HECW1: variants seen among roughly 807,000 people sequenced by gnomAD.
The protein encoded by HECW1 is HECT, C2 and WW domain containing E3 ubiquitin protein ligase 1.
Under a neutral mutation model 182.3 loss-of-function variants are expected in HECW1, and 61 were observed. That is an observed-to-expected ratio of 0.33 (90% CI 0.27 to 0.41). HECW1 has a LOEUF of 0.41. Among genes scored for constraint, HECW1 ranks in the 10% least tolerant of loss-of-function variants. The pLI is 1.00. For synonymous variants in HECW1, 859 were observed against 832.6 expected (o/e 1.03, Z -0.55); for missense variants, 1,739 against 2,108.9 (o/e 0.82, Z 3.44).
At chr7:43,167,791 C>A (rs921100477) in intron 2 of HECW1, among the ~76,000 whole-genome samples, 1 of 152,172 alleles carries the variant, frequency 6.6e-6, no homozygotes, top group Non-Finnish European at 1.5e-5. Flanking sequence ...TTACTAGGAT[C>A]ACCTCATTTA....
At chr7:43,231,680 G>A (rs915807570) in intron 2 of HECW1, among the ~76,000 whole-genome samples, 2 of 152,084 alleles carry the variant, frequency 1.3e-5, no homozygotes, top group Non-Finnish European at 2.9e-5. Context: ...ACCAAGTCCC[G>A]GTGGCAGCAT....
At chr7:43,359,767 T>G (rs1362641562) in intron 5 of HECW1, among the ~76,000 whole-genome samples, 2 of 152,228 alleles carry the variant, frequency 1.3e-5, no homozygotes, top group African/African-American at 4.8e-5. Flanking sequence ...AAGGCAAATT[T>G]CCATATTTGA....
chr7:43,511,352 C>T (rs550302234), intron 24 of HECW1: 1 of 152,378 alleles, frequency 6.6e-6, no homozygotes, highest in Non-Finnish European at 1.5e-5. Context: ...TTCAACGCCA[C>T]TCTTTGGATG....
intron 2 of HECW1, among the ~76,000 whole-genome samples, chr7:43,217,146 C>T (rs376920821): frequency 1.7e-4 from 26 of 150,036 alleles, no homozygotes; most frequent in African/African-American, 5.8e-4. Flanking sequence ...CAACTTATTA[C>T]CGAGTACATG....
chr7:43,311,579 C>G (rs554590377), intron 3 of HECW1, 184 bp from the exon 4 acceptor site: 1 of 764,048 alleles, frequency 1.3e-6, no homozygotes, highest in East Asian at 2.4e-5. Flanking sequence ...TTGCTGTCCC[C>G]GTGTGAACCC....
chr7:43,401,878 T>C (rs980379024), intron 7 of HECW1, among the ~76,000 whole-genome samples: 4 of 151,582 alleles, frequency 2.6e-5, no homozygotes, highest in African/African-American at 9.7e-5. Flanking sequence ...CTTGTACCCA[T>C]ATAAGCCCCA....
chr7:43,236,934 G>A (rs2152713704), intron 2 of HECW1, among the ~76,000 whole-genome samples: 1 of 152,176 alleles, frequency 6.6e-6, no homozygotes, highest in South Asian at 2.1e-4. Flanking sequence ...TTTTCCCTTG[G>A]CTTAGTGATT....
rs964513290 is a variant in HECW1, at chr7:43,183,509, A to C, written c.-31-60366A>C. On this transcript the variant is annotated intron_variant, in intron 2 of 29. Coordinates refer to ENST00000395891, the MANE Select transcript of HECW1 (RefSeq NM_015052.5). ...AACATTTAAAACCTGACAATTTTTG[A>C]AAAAAGAAGAATATATATACACATA... is the stretch of plus-strand genomic sequence containing the variant. 5.9e-5 allele frequency among the ~76,000 whole-genome samples: 9 copies of C among 152,338 alleles called. No individual in the cohort carries two copies. In the East Asian group the frequency reaches 1.7e-3, roughly 29 times the overall value.
At position 43,268,858 on chromosome 7, in the gene HECW1, A is replaced by G. The variant is rs768827808; in HGVS notation, c.27+24926A>G. Among the ~76,000 whole-genome samples, 65 of 151,828 alleles carry G rather than the reference A, an allele frequency of 4.3e-4. 1 individual carries two copies. Among genetic ancestry groups the G allele is most frequent in the Admixed American group, 2.2e-3 (33 of 15,230 alleles). ...GTGATCATGGCTCACTGCAGCTTCAACCTCCTGGGCTCAAGTGATCCTCCC... is the reference window on the plus strand; with the variant it reads ...GTGATCATGGCTCACTGCAGCTTCAGCCTCCTGGGCTCAAGTGATCCTCCC... On this transcript the variant is annotated intron_variant, in intron 3 of 29. Coordinates refer to ENST00000395891, the MANE Select transcript of HECW1 (RefSeq NM_015052.5).
At chr7:43,489,363 T>G (rs2078842769) in intron 17 of HECW1, among the ~76,000 whole-genome samples, 1 of 152,132 alleles carries the variant, frequency 6.6e-6, no homozygotes, top group African/African-American at 2.4e-5. Context: ...CTTTACATAT[T>G]TATTTATTTA....
intron 2 of HECW1, among the ~76,000 whole-genome samples, chr7:43,134,062 A>C (rs1787246348): frequency 6.6e-6 from 1 of 152,110 alleles, no homozygotes; most frequent in South Asian, 2.1e-4. Context: ...AACTTACCTA[A>C]ATTATGTTTT....
chr7:43,326,289 C>A (rs761281436), intron 5 of HECW1, among the ~76,000 whole-genome samples: 2 of 152,160 alleles, frequency 1.3e-5, no homozygotes, highest in South Asian at 2.1e-4. Context: ...GTAATGACTC[C>A]CCCCTTGACC....
chr7:43,112,882 G>A lies in HECW1; in HGVS notation c.-322G>A, dbSNP rs1784727902. ...CTATGCGGGGCACGTGCGCCCCCCA[G>A]CTCTAATCTGCGCGCTGACAGGAGC... On this transcript the variant is annotated 5_prime_UTR_variant, in exon 1 of 30. Transcript: ENST00000395891. 9.0e-6 allele frequency: 2 copies of A among 223,108 alleles called. No homozygotes were observed. Among genetic ancestry groups the A allele is most frequent in the South Asian group, 1.8e-4 (1 of 5,452 alleles). The allele number at this position is 223,108 out of a possible 1,614,324, so 13.8% of individuals were successfully genotyped here.
intron 4 of HECW1, 42 bp from the exon 5 acceptor site, chr7:43,320,593 T>G (rs1809982040): frequency 7.5e-7 from 1 of 1,325,104 alleles, no homozygotes; most frequent in Non-Finnish European, 1.1e-6. Context: ...TGCTGTTGAC[T>G]GATATGTTTC....
rs148759419 is a variant in HECW1, at chr7:43,425,482, C to T, written c.802-12521C>T. On this transcript the variant is annotated intron_variant, in intron 8 of 29. Transcript: ENST00000395891. ...TCAGCTTACCTCTCTTGTTTCTTGCCCCAGCCTCCTGCGCTATCCACTACA... is the reference window on the plus strand; with the variant it reads ...TCAGCTTACCTCTCTTGTTTCTTGCTCCAGCCTCCTGCGCTATCCACTACA... Among the ~76,000 whole-genome samples, 95 of 152,206 alleles carry T rather than the reference C, an allele frequency of 6.2e-4. 1 individual carries two copies. The East Asian group carries it at 0.017, about 28-fold the overall frequency.
At chr7:43,334,134 G>A (rs1003706622) in intron 5 of HECW1, among the ~76,000 whole-genome samples, 2 of 152,182 alleles carry the variant, frequency 1.3e-5, no homozygotes, top group African/African-American at 4.8e-5. Flanking sequence ...AGAGATCTGT[G>A]GAGCTTCAGA....
rs193126570 is a variant in HECW1 at position 43,460,544 on chromosome 7, G to T, written c.2652-3116G>T. Among the ~76,000 whole-genome samples the T allele has an allele frequency of 5.1e-3, 782 of 151,936 alleles. 5 individuals carry two copies. The highest frequency in any genetic ancestry group is 6.9e-3 in the Non-Finnish European group (472 of 67,940). ...TGTACGTGTGTGTGCGCGCGTGCGT[G>T]TGTGTGCGTGTGTGCGTGTGTGTGT... On this transcript the variant is annotated intron_variant, in intron 13 of 29. Transcript: ENST00000395891.
intron 2 of HECW1, among the ~76,000 whole-genome samples, chr7:43,140,923 G>A (rs1433645260): frequency 6.6e-6 from 1 of 152,192 alleles, no homozygotes; most frequent in Non-Finnish European, 1.5e-5. Flanking sequence ...GAGAGACAGA[G>A]CTCCCAGGGG....
In HECW1 at chr7:43,509,016, A is replaced by G. The variant is rs1490800420; in HGVS notation, c.3914A>G (p.Gln1305Arg). Residue 1305 changes from glutamine (Q) to arginine (R), a missense_variant, in exon 24 of 30, where the codon CAG becomes CGG. Transcript: ENST00000395891. Reference sequence around the variant, plus strand: ...CGGGAGTTCTTCTTCCTTCTGTCTCAGGAGCTCTTCAACCCTTACTATGGA... The same window carrying G: ...CGGGAGTTCTTCTTCCTTCTGTCTCGGGAGCTCTTCAACCCTTACTATGGA... The part of the protein sequence containing the change: ...PSREFFFLLS[Q>R]ELFNPYYGLF... The G allele has an allele frequency of 9.9e-6, 16 of 1,613,844 alleles. No individual in the cohort carries two copies. Among genetic ancestry groups the G allele is most frequent in the Non-Finnish European group, 1.3e-5 (15 of 1,179,840 alleles).
Sources: gnomAD v4.1 joint callset for allele counts (sites outside exome capture counted in the v4.1 genomes callset) on GRCh38, gnomAD v4.1.1 for gene constraint, MANE v1.5 for transcripts, NCBI Gene and HGNC (gene_info 2026-07-23, HGNC 2026-07-21) for gene names.